The following AMZ1 variants were observed in gnomAD, a reference collection of about 807,000 sequenced individuals.
AMZ1 encodes the protein archaelysin family metallopeptidase 1.
In AMZ1, 39 loss-of-function variants were observed where a neutral mutation model predicts 29.9. That is an observed-to-expected ratio of 1.30 (90% CI 1.01 to 1.70). AMZ1 has a LOEUF of 1.70. Among genes scored for constraint, AMZ1 ranks in the 40% most tolerant of loss-of-function variants. The pLI is 0.00. For missense variants in AMZ1, 1,041 were observed against 680.6 expected, an observed-to-expected ratio of 1.53 and a Z score of -5.89; for synonymous variants, 458 against 304.0, an observed-to-expected ratio of 1.51 and a Z score of -5.27.
chr7:2,710,244 G>A (rs774585630), intron 6 of AMZ1, among the ~76,000 whole-genome samples: 8 of 152,338 alleles, frequency 5.3e-5, no homozygotes, highest in Non-Finnish European at 1.0e-4. Context: ...AACAAGGCTT[G>A]TTGGAGGTGG....
intron 2 of AMZ1, chr7:2,702,511 A>G (rs567502878): frequency 3.4e-6 from 2 of 593,842 alleles, no homozygotes; most frequent in South Asian, 2.2e-5. Flanking sequence ...TCATCTGTGC[A>G]TGAATCTTTC....
intron 1 of AMZ1, among the ~76,000 whole-genome samples, chr7:2,692,829 T>C (rs914272091): frequency 8.5e-5 from 13 of 152,132 alleles, no homozygotes; most frequent in African/African-American, 2.9e-4. Flanking sequence ...TCCTGCGCGA[T>C]GTGTCCCCAT....
At chr7:2,690,309 C>T (rs1288786812) in intron 1 of AMZ1, among the ~76,000 whole-genome samples, 1 of 152,194 alleles carries the variant, frequency 6.6e-6, no homozygotes, top group Admixed American at 6.5e-5. Flanking sequence ...GCCTCGACCT[C>T]CAGGGCGAAA....
intron 1 of AMZ1, among the ~76,000 whole-genome samples, chr7:2,680,367 C>A (rs1481926143): frequency 6.6e-6 from 1 of 152,144 alleles, no homozygotes; most frequent in Admixed American, 6.5e-5. Flanking sequence ...GGCAGGTGTG[C>A]AGCCCACCCA....
intron 4 of AMZ1, among the ~76,000 whole-genome samples, chr7:2,740,424 A>T (rs1011497983): frequency 2.0e-5 from 3 of 152,182 alleles, no homozygotes; most frequent in Non-Finnish European, 4.4e-5. Context: ...CACAGTGAGA[A>T]GCTGGCCGTC....
At chr7:2,721,957 C>T (rs912121547), downstream of AMZ1, among the ~76,000 whole-genome samples, 13 of 152,328 alleles carry the variant, frequency 8.5e-5, no homozygotes, top group East Asian at 5.8e-4. Context: ...AAACCAAGTC[C>T]GGTCACGGCA....
At position 2,696,478 on chromosome 7, in the gene AMZ1, C is replaced by T. The variant is rs113563299; in HGVS notation, c.-218-3756C>T. ...TTCACCATGTTAGCCAGGATGGTCT[C>T]GATCTCCTGACCTCGTGATCTGCCC... On this transcript the variant is annotated intron_variant, in intron 1 of 6. Transcript: ENST00000683327. Among the ~76,000 whole-genome samples the T allele has an allele frequency of 1.8e-3, 265 of 149,974 alleles. 1 individual carries two copies. The highest frequency in any genetic ancestry group is 2.7e-3 in the Non-Finnish European group (179 of 67,416).
chr7:2,733,300 G>A lies in AMZ1; in HGVS notation n.550+23484G>A. 4.4e-6 allele frequency: 3 copies of A among 674,210 alleles called. No homozygotes were observed. In the East Asian group the frequency reaches 8.2e-5, roughly 18 times the overall value. 41.8% of individuals were successfully genotyped at this position (674,210 alleles called of 1,614,324 possible). On this transcript the variant is annotated intron_variant and non_coding_transcript_variant, in intron 4 of 4. Transcript: ENST00000489665. ...AGACGGGGCCCAGATCCAAGTGAGA[G>A]CGTGCCATTACAGTACTATTCGTGG...
intron 3 of AMZ1, among the ~76,000 whole-genome samples, chr7:2,706,202 G>A (rs760559276): frequency 2.6e-5 from 4 of 152,172 alleles, no homozygotes; most frequent in Non-Finnish European, 5.9e-5. Flanking sequence ...TAGAGATGGG[G>A]TCTTGCTTTG....
chr7:2,693,930 C>A (rs1162215711), intron 1 of AMZ1, among the ~76,000 whole-genome samples: 1 of 152,230 alleles, frequency 6.6e-6, no homozygotes, highest in African/African-American at 2.4e-5. Context: ...CTTTTGCCAC[C>A]TGCCTTCCTG....
intron 1 of AMZ1, 56 bp from the exon 2 acceptor site, chr7:2,700,178 G>A: frequency 2.0e-6 from 1 of 498,838 alleles, no homozygotes; most frequent in Non-Finnish European, 3.6e-6. Context: ...CCTTGCCTGG[G>A]ACATCGGGCC....
chr7:2,705,180 C>T (rs143735853), intron 3 of AMZ1, among the ~76,000 whole-genome samples: 42 of 152,348 alleles, frequency 2.8e-4, no homozygotes, highest in African/African-American at 1.0e-3. Context: ...TCTTTTCCTT[C>T]TGCCAGGCAC....
At chr7:2,733,383 T>A (rs912046336) in intron 4 of AMZ1, 2 of 1,270,824 alleles carry the variant, frequency 1.6e-6, no homozygotes, top group African/African-American at 3.5e-5. Context: ...CAACGTGGAC[T>A]GCTTTGGTCT....
chr7:2,723,162 C>A (rs1328360759), downstream of AMZ1, among the ~76,000 whole-genome samples: 6 of 152,086 alleles, frequency 3.9e-5, no homozygotes, highest in Admixed American at 3.3e-4. Flanking sequence ...AGGTTGACTC[C>A]TAATAAGAAA....
intron 1 of AMZ1, 43 bp from the exon 2 acceptor site, chr7:2,700,191 G>C (rs1787966159): frequency 1.9e-6 from 1 of 528,004 alleles, no homozygotes; most frequent in African/African-American, 1.9e-5. Flanking sequence ...ATCGGGCCCT[G>C]TGTGCTCGGC....
At chr7:2,684,880 T>TC (rs1787011428), upstream of AMZ1, among the ~76,000 whole-genome samples, 1 of 150,542 alleles carries the variant, frequency 6.6e-6, no homozygotes, top group African/African-American at 2.4e-5. Flanking sequence ...TGCTTTTTTT[T>TC]TTTTTTTTTT....
rs758778160 is a variant in AMZ1, at chr7:2,702,901, C to T, written c.472+12C>T. The T allele has an allele frequency of 1.0e-5, 16 of 1,569,366 alleles. No homozygotes were observed. The highest frequency in any genetic ancestry group is 5.4e-5 in the African/African-American group (4 of 73,964). On this transcript the variant is annotated intron_variant, in intron 3 of 6. Coordinates refer to ENST00000683327, the MANE Select transcript of AMZ1 (RefSeq NM_001384743.1). ...CCAGCTCCACACAGGTGAGTGAGGACGGCAGCCGCCGCTCAGGCCAAGGCA... is the reference window on the plus strand; with the variant it reads ...CCAGCTCCACACAGGTGAGTGAGGATGGCAGCCGCCGCTCAGGCCAAGGCA...
chr7:2,695,576 G>T (rs1787662658), intron 1 of AMZ1, among the ~76,000 whole-genome samples: 2 of 150,792 alleles, frequency 1.3e-5, no homozygotes, highest in Admixed American at 6.6e-5. Flanking sequence ...GACTGGGCGT[G>T]TTGGTACATG....
At chr7:2,703,273 A>G (rs533888461) in intron 3 of AMZ1, among the ~76,000 whole-genome samples, 1 of 152,176 alleles carries the variant, frequency 6.6e-6, no homozygotes, top group East Asian at 1.9e-4. Context: ...CCTTCTGAGT[A>G]GCTGGGACTA....
Sources: gnomAD v4.1 joint callset for allele counts (sites outside exome capture counted in the v4.1 genomes callset) on GRCh38, gnomAD v4.1.1 for gene constraint, MANE v1.5 for transcripts, NCBI Gene and HGNC (gene_info 2026-07-23, HGNC 2026-07-21) for gene names.